CCNB2: variants seen among roughly 807,000 people sequenced by gnomAD.
CCNB2 encodes cyclin B2.
CCNB2 carries 39 observed loss-of-function variants against 51.1 expected under a neutral mutation model. That is an observed-to-expected ratio of 0.76 (90% CI 0.59 to 1.00). The LOEUF is 1.00. CCNB2 is among the 50% of genes least tolerant of loss of function. The probability of loss-of-function intolerance (pLI) is 0.00; values close to 1 mark genes in which losing one functional copy is unlikely to be tolerated. For missense variants in CCNB2, 472 were observed against 470.3 expected, an observed-to-expected ratio of 1.00 and a Z score of -0.03; for synonymous variants, 174 against 165.5, an observed-to-expected ratio of 1.05 and a Z score of -0.40.
In CCNB2 at chr15:59,122,370, G is replaced by A. The variant is rs560076155; in HGVS notation, c.976-1147G>A. Among the ~76,000 whole-genome samples the A allele has an allele frequency of 2.4e-3, 353 of 145,092 alleles. 1 individual carries two copies. Among genetic ancestry groups the A allele is most frequent in the Non-Finnish European group, 2.3e-3 (152 of 66,572 alleles). The stretch of plus-strand genomic sequence containing the variant: ...TTCCAGCGATTCTCCTGCCTCAGGC[G>A]CACACCACCATGCCCGGGGAATTTA... On this transcript the variant is annotated intron_variant, in intron 7 of 8. Coordinates refer to ENST00000288207, the MANE Select transcript of CCNB2 (RefSeq NM_004701.4).
rs537510615 is a variant in CCNB2, at chr15:59,124,961, T to C, written c.*84T>C. ...ACTCTTGATTTTGTACATAGTCCTC[T>C]GGTCTATCTCATGAAACCTCTTCTC... On this transcript the variant is annotated 3_prime_UTR_variant, in exon 9 of 9. Transcript: ENST00000288207. 2.4e-4 allele frequency: 175 copies of C among 734,318 alleles called. No homozygotes were observed. The South Asian group carries it at 3.8e-3, about 16-fold the overall frequency. The allele number at this position is 734,318 out of a possible 1,614,324, so 45.5% of individuals were successfully genotyped here.
rs1408793028 is a variant in CCNB2 at position 59,105,259 on chromosome 15, C to G, written c.-10C>G. On this transcript the variant is annotated 5_prime_UTR_variant, in exon 1 of 9. Coordinates refer to ENST00000288207, the MANE Select transcript of CCNB2 (RefSeq NM_004701.4). The stretch of plus-strand genomic sequence containing the variant: ...GGGCCGGGCTGGCACTCTTGCCTTC[C>G]CCGTCCCTCATGGCGCTGCTCCGAC... 3.2e-6 allele frequency: 5 copies of G among 1,566,648 alleles called. No homozygotes were observed. The East Asian group carries it at 1.2e-4, about 37-fold the overall frequency.
At chr15:59,114,358 G>A (rs145768203) in intron 3 of CCNB2, 86 bp from the exon 4 acceptor site, 54 of 930,564 alleles carry the variant, frequency 5.8e-5, no homozygotes, top group African/African-American at 5.4e-4. Context: ...TCAGATGTGC[G>A]TATGATATTG....
In CCNB2 at chr15:59,114,621, G is replaced by T. The variant is rs887489295; in HGVS notation, c.438+7G>T. On this transcript the variant is annotated splice_region_variant and intron_variant, in intron 4 of 8. Transcript: ENST00000288207. ...GTATCTCAGGCAGCTGGAGGTAGGT[G>T]GGCCTTTGTGTTTTGGTTGTATAAG... The T allele has an allele frequency of 1.3e-6, 2 of 1,587,404 alleles. No individual in the cohort carries two copies. The highest frequency in any genetic ancestry group is 2.7e-5 in the African/African-American group (2 of 74,138).
chr15:59,117,466 T>C (rs2079283972), intron 7 of CCNB2, 98 bp downstream of exon 7: 14 of 1,296,304 alleles, frequency 1.1e-5, no homozygotes, highest in South Asian at 8.1e-5. Context: ...CTTGAAGCAG[T>C]TGGTTTTGTT....
At chr15:59,114,942 A>G (rs1390834575) in intron 5 of CCNB2, 66 bp downstream of exon 5, 24 of 1,465,828 alleles carry the variant, frequency 1.6e-5, no homozygotes, top group Non-Finnish European at 2.2e-5. Flanking sequence ...CTTGGGGGAT[A>G]GAAAACTAAA....
At chr15:59,117,994 A>G (rs1446445143) in intron 7 of CCNB2, among the ~76,000 whole-genome samples, 2 of 152,218 alleles carry the variant, frequency 1.3e-5, no homozygotes, top group African/African-American at 4.8e-5. Context: ...TGAGTTGACT[A>G]TACATACTAA....
chr15:59,117,091 A>G, intron 6 of CCNB2, 137 bp from the exon 7 acceptor site: 1 of 1,028,326 alleles, frequency 9.7e-7, no homozygotes, highest in East Asian at 2.4e-5. Flanking sequence ...CTATGTTTAC[A>G]ACATAGTGTG....
In CCNB2 at chr15:59,114,429, A is replaced by T. The variant is rs752322805; in HGVS notation, c.268-15A>T. On this transcript the variant is annotated splice_polypyrimidine_tract_variant and intron_variant, in intron 3 of 8. Transcript: ENST00000288207. The stretch of plus-strand genomic sequence containing the variant: ...TTAAGGCTGCTCCTACATGTGCCTA[A>T]ATTTGTTGGTGTAGGGTCCTTCTCC... 3.1e-5 allele frequency: 48 copies of T among 1,561,388 alleles called. No individual in the cohort carries two copies. The highest frequency in any genetic ancestry group is 3.8e-5 in the Non-Finnish European group (44 of 1,155,350).
rs527693816 is a variant in CCNB2 at position 59,115,730 on chromosome 15, T to C, written c.597+854T>C. The stretch of plus-strand genomic sequence containing the variant: ...CAACAGTATTTTAGGTAGGTTTCTT[T>C]ATTTTTTATTTTTTTGAGACAGGGT... On this transcript the variant is annotated intron_variant, in intron 5 of 8. Transcript: ENST00000288207. 5.3e-5 allele frequency: 8 copies of C among 152,296 alleles called. No homozygotes were observed. In the South Asian group the frequency reaches 1.5e-3, roughly 28 times the overall value. 9.4% of individuals were successfully genotyped at this position (152,296 alleles called of 1,614,324 possible). A position where few individuals can be genotyped will look rare whatever the true frequency, so the allele number is the denominator to read the frequency against.
intron 5 of CCNB2, among the ~76,000 whole-genome samples, chr15:59,115,186 A>C (rs1256045943): frequency 1.3e-5 from 2 of 152,164 alleles, no homozygotes; most frequent in Admixed American, 6.5e-5. Flanking sequence ...TGAAGCCTGT[A>C]GTGCCTTTGG....
chr15:59,107,411 T>C lies in CCNB2; in HGVS notation c.114T>C (p.Ile38=). Residue 38 remains isoleucine, a synonymous_variant, in exon 2 of 9, where the codon ATT becomes ATC. Coordinates refer to ENST00000288207, the MANE Select transcript of CCNB2 (RefSeq NM_004701.4). ...TTAGGCGAACTGTTTTAGAAGAAAT[T>C]GGAAATAGAGTTACAACCAGAGCAG... ...VTIRRTVLEE[I]GNRVTTRAAQ... 6.2e-7 allele frequency: 1 copy of C among 1,614,030 alleles called. No homozygotes were observed. The highest frequency in any genetic ancestry group is 1.1e-5 in the South Asian group (1 of 91,074).
In CCNB2 at chr15:59,124,883, C is replaced by G; in HGVS notation, c.*6C>G. The G allele has an allele frequency of 1.9e-6, 3 of 1,540,394 alleles. No homozygotes were observed. The highest frequency in any genetic ancestry group is 2.0e-5 in the Admixed American group (1 of 49,764). On this transcript the variant is annotated 3_prime_UTR_variant, in exon 9 of 9. Coordinates refer to ENST00000288207, the MANE Select transcript of CCNB2 (RefSeq NM_004701.4). ...CACTGATAGGAAGGTCCTAGGCTGC[C>G]GTGGCCCCTGGGGATGTGTGCTTCA...
At chr15:59,118,662 G>A (rs2079289152) in intron 7 of CCNB2, among the ~76,000 whole-genome samples, 1 of 152,178 alleles carries the variant, frequency 6.6e-6, no homozygotes, top group Non-Finnish European at 1.5e-5. Context: ...CCAGCCTGGC[G>A]GACAGGGCGA....
chr15:59,124,838 C>A lies in CCNB2; in HGVS notation c.1158C>A (p.Ala386=), dbSNP rs373738721. ...TGATCCCTCAGCTGAACTCAAAAGC[C>A]GTCAAAGACCTTGCCTCCCCACTGA... ...ISMIPQLNSK[A]VKDLASPLIG... is the part of the protein sequence containing the mutation. Residue 386 remains alanine (A), a synonymous_variant, in exon 9 of 9, where the codon GCC becomes GCA. Coordinates refer to ENST00000288207, the MANE Select transcript of CCNB2 (RefSeq NM_004701.4). 5 of 1,607,172 alleles carry A rather than the reference C, an allele frequency of 3.1e-6. No homozygotes were observed. Among genetic ancestry groups the A allele is most frequent in the Admixed American group, 1.7e-5 (1 of 59,080 alleles).
In CCNB2 at chr15:59,105,368, T is replaced by C. The variant is rs1174329869; in HGVS notation, c.24+76T>C. On this transcript the variant is annotated intron_variant, in intron 1 of 8. Coordinates refer to ENST00000288207, the MANE Select transcript of CCNB2 (RefSeq NM_004701.4). ...CTCCCCTGTCGCTTCTCTCATCTGC[T>C]CCGAGCTTCTCCGTCCCAACCGGGG... The C allele has an allele frequency of 3.4e-6, 5 of 1,454,192 alleles. No homozygotes were observed. In the African/African-American group the frequency reaches 5.6e-5, roughly 16 times the overall value. 90.1% of individuals were successfully genotyped at this position (1,454,192 alleles called of 1,614,324 possible).
At chr15:59,120,758 CA>C (rs1236173345) in intron 7 of CCNB2, among the ~76,000 whole-genome samples, 1 of 152,044 alleles carries the variant, frequency 6.6e-6, no homozygotes, top group Non-Finnish European at 1.5e-5. Context: ...TTTTGGGAAA[CA>C]AGATTCACGT....
intron 1 of CCNB2, among the ~76,000 whole-genome samples, chr15:59,106,755 C>T (rs2079237176): frequency 6.6e-6 from 1 of 152,180 alleles, no homozygotes; most frequent in Non-Finnish European, 1.5e-5. Flanking sequence ...ATGGCAACCT[C>T]ATTTTAAAAA....
intron 1 of CCNB2, among the ~76,000 whole-genome samples, chr15:59,107,000 G>C (rs188226702): frequency 6.6e-6 from 1 of 152,172 alleles, no homozygotes; most frequent in East Asian, 1.9e-4. Context: ...AAGTGATATG[G>C]GTACTATATG....
Sources: gnomAD v4.1 joint callset for allele counts (sites outside exome capture counted in the v4.1 genomes callset) on GRCh38, gnomAD v4.1.1 for gene constraint, MANE v1.5 for transcripts, NCBI Gene and HGNC (gene_info 2026-07-23, HGNC 2026-07-21) for gene names.